Variants in ORC4 observed in about 807,000 individuals in gnomAD.
ORC4 encodes the protein origin recognition complex, subunit 4 homolog.
In ORC4, 55 loss-of-function variants were observed where a neutral mutation model predicts 63.9. The observed-to-expected ratio is 0.86, with a 90% confidence interval of 0.69 to 1.08. ORC4 has a LOEUF of 1.08. Ranked by LOEUF, ORC4 falls within the 50% of genes least tolerant of loss-of-function variation. The pLI, the probability that ORC4 is intolerant of heterozygous loss-of-function variation, is 0.00. For missense variants in ORC4, 511 were observed against 504.4 expected (o/e 1.01, Z -0.13); for synonymous variants, 150 against 168.5 (o/e 0.89, Z 0.85).
At chr2:148,015,764 A>AT (rs1387649499) in intron 1 of ORC4, among the ~76,000 whole-genome samples, 1 of 151,794 alleles carries the variant, frequency 6.6e-6, no homozygotes, top group Non-Finnish European at 1.5e-5. Context: ...AAGTTGAGTG[A>AT]TTTTCTTATT....
intron 1 of ORC4, among the ~76,000 whole-genome samples, chr2:148,000,855 A>G (rs994707218): frequency 6.6e-6 from 1 of 152,148 alleles, no homozygotes; most frequent in Non-Finnish European, 1.5e-5. Flanking sequence ...AAATTAAACT[A>G]TCAATGGGAA....
At chr2:147,937,563 T>C (rs140020271) in intron 13 of ORC4, among the ~76,000 whole-genome samples, 528 of 152,326 alleles carry the variant, frequency 3.5e-3, no homozygotes, top group East Asian at 8.3e-3. Flanking sequence ...ATAATGATTA[T>C]AGAATGACAC....
chr2:147,948,192 C>T lies in ORC4; in HGVS notation c.621G>A (p.Lys207=), dbSNP rs1228620297. 4 of 1,609,468 alleles carry T rather than the reference C, an allele frequency of 2.5e-6. No individual in the cohort carries two copies. The East Asian group carries it at 8.9e-5, about 36-fold the overall frequency. ...GTATCTGCCGGTGAGAAAATCTTGA[C>T]TTCACTCTTTTTTCTAAGAGTTCCA... ...DILELLEKRV[K]SRFSHRQIHL... Residue 207 remains lysine, a synonymous_variant, in exon 9 of 14, where the codon AAG becomes AAA. Coordinates refer to ENST00000392857, the MANE Select transcript of ORC4 (RefSeq NM_181741.4).
intron 13 of ORC4, among the ~76,000 whole-genome samples, chr2:147,936,090 T>A (rs1688036984): frequency 6.6e-6 from 1 of 152,182 alleles, no homozygotes; most frequent in Non-Finnish European, 1.5e-5. Context: ...CTACTCAGAT[T>A]TGCATTTATA....
intron 1 of ORC4, among the ~76,000 whole-genome samples, chr2:148,018,574 T>TA (rs772854583): frequency 2.2e-4 from 29 of 133,720 alleles, no homozygotes; most frequent in Admixed American, 4.7e-4. Context: ...CTTTTTATAC[T>TA]ATACTTATTA....
chr2:148,001,602 G>T (rs1412177388), intron 1 of ORC4, among the ~76,000 whole-genome samples: 1 of 152,128 alleles, frequency 6.6e-6, no homozygotes, highest in Non-Finnish European at 1.5e-5. Context: ...AAGAGCTCCT[G>T]AAGGAAGCAC....
At position 147,973,429 on chromosome 2, in the gene ORC4, A is replaced by T; in HGVS notation, c.134+19T>A. The T allele has an allele frequency of 6.7e-7, 1 of 1,489,796 alleles. No homozygotes were observed. The highest frequency in any genetic ancestry group is 1.4e-5 in the African/African-American group (1 of 72,586). The allele number at this position is 1,489,796 out of a possible 1,614,324, so 92.3% of individuals were successfully genotyped here. ...TCTGTAAGTAGGTCCATAACAGTCA[A>T]GAGGACAGCTAGACTTACTTGTATT... On this transcript the variant is annotated intron_variant, in intron 3 of 13. Transcript: ENST00000392857.
intron 1 of ORC4, among the ~76,000 whole-genome samples, chr2:147,991,977 G>A (rs147845957): frequency 5.5e-4 from 83 of 152,276 alleles, no homozygotes; most frequent in African/African-American, 1.9e-3. Context: ...TAAAGTATAC[G>A]TCTTAAAATG....
At chr2:148,018,623 T>G (rs1317796519) in intron 1 of ORC4, among the ~76,000 whole-genome samples, 1 of 152,218 alleles carries the variant, frequency 6.6e-6, no homozygotes, top group Non-Finnish European at 1.5e-5. Context: ...GAACTAGAGC[T>G]AAATGTACTA....
intron 1 of ORC4, among the ~76,000 whole-genome samples, chr2:148,004,566 T>C (rs1445136618): frequency 6.6e-6 from 1 of 152,090 alleles, no homozygotes; most frequent in Non-Finnish European, 1.5e-5. Context: ...TGGCTAGCCA[T>C]ATGGAGAAAA....
chr2:147,932,395 G>T lies in ORC4; in HGVS notation c.*3115C>A, dbSNP rs1687818987. 6.6e-6 allele frequency: 1 copy of T among 152,098 alleles called. No individual in the cohort carries two copies. Among genetic ancestry groups the T allele is most frequent in the Non-Finnish European group, 1.5e-5 (1 of 68,020 alleles). The allele number at this position is 152,098 out of a possible 1,614,324, so 9.4% of individuals were successfully genotyped here. A position where few individuals can be genotyped will look rare whatever the true frequency, so the allele number is the denominator to read the frequency against. On this transcript the variant is annotated 3_prime_UTR_variant, in exon 14 of 14. Coordinates refer to ENST00000392857, the MANE Select transcript of ORC4 (RefSeq NM_181741.4). ...GCCATACTGCCCAAGGTAATTTACA[G>T]ATTCAATGCCATCCCCATCAAGCTA... is the stretch of plus-strand genomic sequence containing the variant.
chr2:147,999,845 A>T (rs1330470247), intron 1 of ORC4, among the ~76,000 whole-genome samples: 1 of 152,168 alleles, frequency 6.6e-6, no homozygotes, highest in East Asian at 1.9e-4. Context: ...AGATGAAAAC[A>T]TATTAACAGA....
At position 147,955,237 on chromosome 2, in the gene ORC4, T is replaced by C. The variant is rs1221933701; in HGVS notation, c.436+110A>G. 3 of 705,316 alleles carry C rather than the reference T, an allele frequency of 4.3e-6. No individual in the cohort carries two copies. The African/African-American group carries it at 5.5e-5, about 13-fold the overall frequency. The allele number at this position is 705,316 out of a possible 1,614,324, so 43.7% of individuals were successfully genotyped here. A position where few individuals can be genotyped will look rare whatever the true frequency, so the allele number is the denominator to read the frequency against. On this transcript the variant is annotated intron_variant, in intron 7 of 13. Coordinates refer to ENST00000392857, the MANE Select transcript of ORC4 (RefSeq NM_181741.4). The stretch of plus-strand genomic sequence containing the variant: ...CATTGTATTCTTTTTAATGTTTCTG[T>C]ATTTTATGAGAGCTTTTTTTTTTGG...
At chr2:148,018,276 C>G (rs1441439622) in intron 1 of ORC4, among the ~76,000 whole-genome samples, 2 of 152,144 alleles carry the variant, frequency 1.3e-5, no homozygotes, top group Non-Finnish European at 2.9e-5. Flanking sequence ...GATAAAGCCA[C>G]ATTCATCAAG....
At chr2:147,965,652 G>A (rs1170820413) in intron 4 of ORC4, among the ~76,000 whole-genome samples, 1 of 152,012 alleles carries the variant, frequency 6.6e-6, no homozygotes, top group Non-Finnish European at 1.5e-5. Flanking sequence ...CTCAGCATTG[G>A]ACAGATAATT....
intron 2 of ORC4, 64 bp from the exon 3 acceptor site, chr2:147,973,588 G>T (rs1289291455): frequency 3.2e-6 from 3 of 933,650 alleles, no homozygotes; most frequent in South Asian, 3.0e-5. Flanking sequence ...AAATAAATAA[G>T]AAAGCACATT....
intron 1 of ORC4, among the ~76,000 whole-genome samples, chr2:147,976,852 T>G (rs187612236): frequency 2.5e-4 from 38 of 152,254 alleles, no homozygotes; most frequent in African/African-American, 9.1e-4. Flanking sequence ...AAAACAAAGT[T>G]GGCAATGAAT....
chr2:147,971,504 A>T (rs1690208231), intron 4 of ORC4, among the ~76,000 whole-genome samples: 1 of 152,022 alleles, frequency 6.6e-6, no homozygotes, highest in South Asian at 2.1e-4. Flanking sequence ...AGTGTATGAA[A>T]AGATGCTCAA....
chr2:147,933,501 T>C lies in ORC4; in HGVS notation c.*2009A>G, dbSNP rs1009961239. The C allele has an allele frequency of 6.6e-6, 1 of 152,098 alleles. No homozygotes were observed. The highest frequency in any genetic ancestry group is 1.5e-5 in the Non-Finnish European group (1 of 68,008). 9.4% of individuals were successfully genotyped at this position (152,098 alleles called of 1,614,324 possible). On this transcript the variant is annotated 3_prime_UTR_variant, in exon 14 of 14. Transcript: ENST00000392857. Reference sequence around the variant, plus strand: ...TATAACGGTTTCATGTTTACCTCAATTGGTACTTAGTCTTAAAATCTTTCT... The same window carrying C: ...TATAACGGTTTCATGTTTACCTCAACTGGTACTTAGTCTTAAAATCTTTCT...
Sources: gnomAD v4.1 joint callset for allele counts (sites outside exome capture counted in the v4.1 genomes callset) on GRCh38, gnomAD v4.1.1 for gene constraint, MANE v1.5 for transcripts, NCBI Gene and HGNC (gene_info 2026-07-23, HGNC 2026-07-21) for gene names.